PDE3B: variants seen among roughly 807,000 people sequenced by gnomAD.
PDE3B encodes the protein phosphodiesterase 3B, also known as cGMP-inhibited 3',5'-cyclic phosphodiesterase 3B.
In PDE3B, 66 loss-of-function variants were observed where a neutral mutation model predicts 116.8. That is an observed-to-expected ratio of 0.56 (90% CI 0.46 to 0.69). The LOEUF is 0.69. PDE3B is among the 30% of genes least tolerant of loss of function. The probability of loss-of-function intolerance (pLI) is 0.00; values close to 1 mark genes in which losing one functional copy is unlikely to be tolerated. For missense variants in PDE3B, 1,384 were observed against 1,368.1 expected, an observed-to-expected ratio of 1.01 and a Z score of -0.18; for synonymous variants, 595 against 533.6, an observed-to-expected ratio of 1.12 and a Z score of -1.59.
chr11:14,828,294 C>A (rs1239437418), intron 7 of PDE3B, among the ~76,000 whole-genome samples: 1 of 152,038 alleles, frequency 6.6e-6, no homozygotes, highest in African/African-American at 2.4e-5. Context: ...CAAAAGCAAT[C>A]ATAACAAAAG....
chr11:14,848,777 T>G (rs370280791), intron 12 of PDE3B, among the ~76,000 whole-genome samples: 71 of 152,206 alleles, frequency 4.7e-4, no homozygotes, highest in East Asian at 4.6e-3. Flanking sequence ...CAATCCAACT[T>G]ACAAGGGATG....
intron 1 of PDE3B, among the ~76,000 whole-genome samples, chr11:14,668,977 G>T (rs530136394): frequency 6.6e-6 from 1 of 152,054 alleles, no homozygotes; most frequent in Non-Finnish European, 1.5e-5. Flanking sequence ...AAGAGTGAGC[G>T]TCCTAATGAA....
intron 1 of PDE3B, among the ~76,000 whole-genome samples, chr11:14,740,385 G>T (rs1856733717): frequency 6.6e-6 from 1 of 152,156 alleles, no homozygotes; most frequent in African/African-American, 2.4e-5. Flanking sequence ...TAGTTTATTT[G>T]CATAGAGATG....
At chr11:14,844,867 A>C (rs966089174) in intron 12 of PDE3B, among the ~76,000 whole-genome samples, 8 of 152,188 alleles carry the variant, frequency 5.3e-5, no homozygotes, top group Non-Finnish European at 7.4e-5. Flanking sequence ...CCACAGCCCA[A>C]GGAGGCCTGC....
At chr11:14,893,659 T>C in the PDE3B span, among the ~76,000 whole-genome samples, 2 of 152,174 alleles carry the variant, frequency 1.3e-5, no homozygotes, top group Non-Finnish European at 2.9e-5. Context: ...TTAATGTCAG[T>C]TTGAATCCTT....
intron 14 of PDE3B, among the ~76,000 whole-genome samples, chr11:14,861,611 G>C (rs1847951859): frequency 6.6e-6 from 1 of 152,120 alleles, no homozygotes; most frequent in African/African-American, 2.4e-5. Flanking sequence ...TGAGTCTACA[G>C]GTAAGGCTGT....
At chr11:14,826,051 C>G (rs1859676899) in intron 7 of PDE3B, among the ~76,000 whole-genome samples, 1 of 152,090 alleles carries the variant, frequency 6.6e-6, no homozygotes, top group Admixed American at 6.5e-5. Context: ...AGGCAGAAAT[C>G]AAGAAGTTTT....
At chr11:14,707,903 G>A (rs1175649684) in intron 1 of PDE3B, among the ~76,000 whole-genome samples, 2 of 152,074 alleles carry the variant, frequency 1.3e-5, no homozygotes, top group Non-Finnish European at 2.9e-5. Flanking sequence ...ACTAGAGAGA[G>A]CTTGTTTGGT....
intron 1 of PDE3B, among the ~76,000 whole-genome samples, chr11:14,752,936 T>G (rs550201486): frequency 6.6e-6 from 1 of 152,266 alleles, no homozygotes; most frequent in East Asian, 1.9e-4. Context: ...TTTGCTCTCA[T>G]TTATTCCATT....
chr11:14,891,038 C>T, the PDE3B span: 6 of 985,314 alleles, frequency 6.1e-6, no homozygotes, highest in South Asian at 4.7e-5. Context: ...CCTTCTTCAC[C>T]GCTAGCGTCA....
Position 14,861,078 on chromosome 11 carries a change from A to T in PDE3B, c.2725-127A>T, listed in dbSNP as rs1175127021. 2.5e-5 allele frequency: 16 copies of T among 642,338 alleles called. 1 individual carries two copies. The highest frequency in any genetic ancestry group is 2.7e-6 in the Non-Finnish European group (1 of 375,322). 39.8% of individuals were successfully genotyped at this position (642,338 alleles called of 1,614,324 possible). On this transcript the variant is annotated intron_variant, in intron 13 of 15. Coordinates refer to ENST00000282096, the MANE Select transcript of PDE3B (RefSeq NM_000922.4). Reference sequence around the variant, plus strand: ...GAATAAGCTGATTTTAAAAAGAACTATTTGCTGAAATTTCTTTCTGTCATT... The same window carrying T: ...GAATAAGCTGATTTTAAAAAGAACTTTTTGCTGAAATTTCTTTCTGTCATT...
Position 14,817,092 on chromosome 11 carries a change from G to A in PDE3B, c.1523-1091G>A, listed in dbSNP as rs567732204. Among the ~76,000 whole-genome samples the A allele has an allele frequency of 3.1e-4, 47 of 152,268 alleles. No individual in the cohort carries two copies. The South Asian group carries it at 4.8e-3, about 15-fold the overall frequency. On this transcript the variant is annotated intron_variant, in intron 5 of 15. Coordinates refer to ENST00000282096, the MANE Select transcript of PDE3B (RefSeq NM_000922.4). ...GAAAATGTGGCACATACACACCATG[G>A]AATACTGTGCAGCCATAAAAAAGGA...
chr11:14,670,680 C>G (rs1258973419), intron 1 of PDE3B, among the ~76,000 whole-genome samples: 1 of 152,056 alleles, frequency 6.6e-6, no homozygotes, highest in Non-Finnish European at 1.5e-5. Context: ...TAGATAAAAG[C>G]TTTAGGATAT....
chr11:14,759,671 C>G (rs1857299864), intron 1 of PDE3B, among the ~76,000 whole-genome samples: 1 of 150,814 alleles, frequency 6.6e-6, no homozygotes, highest in African/African-American at 2.4e-5. Context: ...GCCTCAGCTT[C>G]TAGAGTAGCT....
chr11:14,772,120 A>G, intron 2 of PDE3B, 133 bp downstream of exon 2: 2 of 479,348 alleles, frequency 4.2e-6, no homozygotes, highest in Non-Finnish European at 7.6e-6. Context: ...CTTTAACTAA[A>G]CTAATAAGTT....
intron 1 of PDE3B, among the ~76,000 whole-genome samples, chr11:14,736,908 G>A (rs1477480974): frequency 6.6e-6 from 1 of 152,154 alleles, no homozygotes; most frequent in Non-Finnish European, 1.5e-5. Flanking sequence ...CCCAAGAGAG[G>A]TAGTAGTGGT....
chr11:14,865,326 CCAAAA>C (rs1424671336), intron 14 of PDE3B, among the ~76,000 whole-genome samples: 1 of 152,130 alleles, frequency 6.6e-6, no homozygotes, highest in Non-Finnish European at 1.5e-5. Context: ...TTTGTTATCT[CCAAAA>C]TAGCAACTAC....
At chr11:14,899,189 A>C in the PDE3B span, among the ~76,000 whole-genome samples, 1 of 152,148 alleles carries the variant, frequency 6.6e-6, no homozygotes, top group East Asian at 1.9e-4. Flanking sequence ...ACCTTTCCAC[A>C]TGCTTTTTAT....
chr11:14,743,163 C>T (rs1303105429), intron 1 of PDE3B, among the ~76,000 whole-genome samples: 1 of 152,164 alleles, frequency 6.6e-6, no homozygotes, highest in Admixed American at 6.5e-5. Context: ...GTTGCACCCA[C>T]AGCTGCCCCT....
Sources: gnomAD v4.1 joint callset for allele counts (sites outside exome capture counted in the v4.1 genomes callset) on GRCh38, gnomAD v4.1.1 for gene constraint, MANE v1.5 for transcripts, NCBI Gene and HGNC (gene_info 2026-07-23, HGNC 2026-07-21) for gene names.